Variants in NPAS3 observed in about 807,000 individuals in gnomAD.
The protein encoded by NPAS3 is neuronal PAS domain protein 3, also known as neuronal PAS domain-containing protein 3.
In NPAS3, 14 loss-of-function variants were observed where a neutral mutation model predicts 73.1. The observed-to-expected ratio is 0.19, with a 90% CI of 0.13 to 0.30. The LOEUF is 0.30. Among genes scored for constraint, NPAS3 ranks in the 10% least tolerant of loss-of-function variants. The pLI, the probability that NPAS3 is intolerant of heterozygous loss-of-function variation, is 1.00. For missense variants in NPAS3, 1,096 were observed against 1,250.0 expected, an observed-to-expected ratio of 0.88 and a Z score of 1.86; for synonymous variants, 620 against 541.5, an observed-to-expected ratio of 1.14 and a Z score of -2.01.
At chr14:33,530,361 T>C (rs2053985604) in intron 4 of NPAS3, among the ~76,000 whole-genome samples, 1 of 152,160 alleles carries the variant, frequency 6.6e-6, no homozygotes, top group Non-Finnish European at 1.5e-5. Context: ...CCTTTATTTA[T>C]CTTAGCTGCT....
chr14:32,998,966 A>C (rs1052592990), intron 1 of NPAS3, among the ~76,000 whole-genome samples: 2 of 152,078 alleles, frequency 1.3e-5, no homozygotes, highest in Non-Finnish European at 2.9e-5. Context: ...TCTTCCCATC[A>C]TCACACTGTG....
intron 1 of NPAS3, among the ~76,000 whole-genome samples, chr14:32,989,020 G>A (rs2038207953): frequency 6.6e-6 from 1 of 152,164 alleles, no homozygotes; most frequent in South Asian, 2.1e-4. Flanking sequence ...GTCTGAGTGT[G>A]GGGAGGAACA....
chr14:32,993,074 C>A (rs371617127), intron 1 of NPAS3, among the ~76,000 whole-genome samples: 1 of 150,412 alleles, frequency 6.6e-6, no homozygotes, highest in African/African-American at 2.5e-5. Context: ...ATCTTGAACC[C>A]GGGCAGTGGA....
At chr14:33,056,808 CT>C (rs1377089308) in intron 2 of NPAS3, among the ~76,000 whole-genome samples, 2 of 152,150 alleles carry the variant, frequency 1.3e-5, no homozygotes, top group Non-Finnish European at 2.9e-5. Context: ...CAACATTAAC[CT>C]TTAATTAAAT....
At chr14:33,163,445 GAGAA>G (rs2044987334) in intron 2 of NPAS3, among the ~76,000 whole-genome samples, 1 of 151,812 alleles carries the variant, frequency 6.6e-6, no homozygotes, top group African/African-American at 2.4e-5. Flanking sequence ...GATATGTAGA[GAGAA>G]AGAATCTTTC....
chr14:33,659,082 A>G (rs1429027842), intron 5 of NPAS3, among the ~76,000 whole-genome samples: 2 of 152,224 alleles, frequency 1.3e-5, no homozygotes, highest in Non-Finnish European at 2.9e-5. Flanking sequence ...TAACACATAG[A>G]ACATTTTCTA....
chr14:33,241,910 TAAAC>T (rs746274016), intron 3 of NPAS3, among the ~76,000 whole-genome samples: 16 of 152,158 alleles, frequency 1.1e-4, no homozygotes, highest in Non-Finnish European at 1.9e-4. Flanking sequence ...ATAGTTTCCT[TAAAC>T]AAGCTTCTAG....
At chr14:33,460,175 G>A (rs1284035421) in intron 4 of NPAS3, among the ~76,000 whole-genome samples, 1 of 152,098 alleles carries the variant, frequency 6.6e-6, no homozygotes, top group Admixed American at 6.6e-5. Flanking sequence ...AGTAACATTG[G>A]CAATGAAAAA....
At chr14:33,553,617 A>G (rs150583109) in intron 4 of NPAS3, among the ~76,000 whole-genome samples, 50 of 152,342 alleles carry the variant, frequency 3.3e-4, no homozygotes, top group African/African-American at 1.1e-3. Context: ...TCCTTTGTGC[A>G]GTTGACTCAT....
At chr14:33,244,839 C>T (rs1174193028) in intron 3 of NPAS3, among the ~76,000 whole-genome samples, 1 of 152,174 alleles carries the variant, frequency 6.6e-6, no homozygotes, top group East Asian at 1.9e-4. Flanking sequence ...AGTGGTCGTG[C>T]CTTCCTTGCA....
chr14:33,164,105 A>AT (rs1353782199), intron 2 of NPAS3, among the ~76,000 whole-genome samples: 1 of 152,184 alleles, frequency 6.6e-6, no homozygotes, highest in Non-Finnish European at 1.5e-5. Context: ...TTGATGTGAG[A>AT]TTTTAATTCA....
chr14:32,993,178 G>T (rs2038407139), intron 1 of NPAS3, among the ~76,000 whole-genome samples: 1 of 151,650 alleles, frequency 6.6e-6, no homozygotes, highest in African/African-American at 2.4e-5. Context: ...GAAAATGGTG[G>T]TCTCTTGAGA....
chr14:33,406,025 A>G (rs962830400), intron 4 of NPAS3, among the ~76,000 whole-genome samples: 2 of 152,148 alleles, frequency 1.3e-5, no homozygotes, highest in African/African-American at 4.8e-5. Flanking sequence ...CTATTGCAAT[A>G]CACTTTTTAC....
rs185524589 is a variant in NPAS3, at chr14:32,999,857, A to T, written c.51-56048A>T. Among the ~76,000 whole-genome samples the T allele has an allele frequency of 2.6e-4, 40 of 152,294 alleles. No individual in the cohort carries two copies. In the East Asian group the frequency reaches 7.7e-3, roughly 29 times the overall value. On this transcript the variant is annotated intron_variant, in intron 1 of 11. Coordinates refer to ENST00000356141, the Ensembl canonical transcript of NPAS3. The stretch of plus-strand genomic sequence containing the variant: ...AATATCCTGAATATTATAACTTAGG[A>T]TGTACAAGTGTTGCATAGACTCTGG...
At position 33,447,175 on chromosome 14, in the gene NPAS3, T is replaced by A. The variant is rs552292285; in HGVS notation, c.468+79907T>A. Among the ~76,000 whole-genome samples, 4 of 152,350 alleles carry A rather than the reference T, an allele frequency of 2.6e-5. No homozygotes were observed. The East Asian group carries it at 7.7e-4, about 29-fold the overall frequency. On this transcript the variant is annotated intron_variant, in intron 4 of 11. Transcript: ENST00000356141. ...TGGGGCCTAAAGGACTATCTTAGCT[T>A]GGTGGTAGAAGTTCAGAGAGTCTTT...
chr14:33,374,494 A>ATTT (rs1412286977), intron 4 of NPAS3, among the ~76,000 whole-genome samples: 4 of 148,560 alleles, frequency 2.7e-5, no homozygotes, highest in South Asian at 4.4e-4. Context: ...GTTTTTTTTA[A>ATTT]AAAAAAATCA....
intron 3 of NPAS3, among the ~76,000 whole-genome samples, chr14:33,340,549 A>G (rs2044427033): frequency 6.6e-6 from 1 of 152,230 alleles, no homozygotes; most frequent in Non-Finnish European, 1.5e-5. Flanking sequence ...TTGTTAATTT[A>G]TTAGTTATTA....
intron 1 of NPAS3, among the ~76,000 whole-genome samples, chr14:33,033,208 G>T (rs2040053702): frequency 6.6e-6 from 1 of 152,104 alleles, no homozygotes; most frequent in Non-Finnish European, 1.5e-5. Context: ...CCAGGTGTGG[G>T]TGACTCACAT....
chr14:33,522,876 T>C (rs1479715773), intron 4 of NPAS3, among the ~76,000 whole-genome samples: 2 of 152,164 alleles, frequency 1.3e-5, no homozygotes, highest in Non-Finnish European at 2.9e-5. Context: ...AATTGGTACA[T>C]ACTTGCCTCA....
Sources: allele counts gnomAD v4.1 joint callset (sites outside exome capture counted in the v4.1 genomes callset), GRCh38; gene constraint gnomAD v4.1.1; transcripts MANE v1.5; gene names NCBI Gene and HGNC (gene_info 2026-07-23, HGNC 2026-07-21).